LIFR: variants seen among roughly 807,000 people sequenced by gnomAD.
LIFR encodes the protein leukemia inhibitory factor receptor.
LIFR carries 84 observed loss-of-function variants against 122.2 expected under a neutral mutation model. The observed-to-expected ratio is 0.69, with a 90% CI of 0.58 to 0.82. The LOEUF is 0.82. LIFR is among the 40% of genes least tolerant of loss of function. LIFR has a pLI of 0.00. For missense variants in LIFR, 1,294 were observed against 1,311.6 expected (o/e 0.99, Z 0.21); for synonymous variants, 422 against 434.7 (o/e 0.97, Z 0.36).
intron 16 of LIFR, among the ~76,000 whole-genome samples, chr5:38,487,141 G>A (rs943485602): frequency 6.6e-6 from 1 of 152,116 alleles, no homozygotes; most frequent in South Asian, 2.1e-4. Flanking sequence ...CTTCAGGGCT[G>A]AGGCCCTCCT....
At chr5:38,601,313 C>T (rs1213922719) in intron 2 of LIFR, among the ~76,000 whole-genome samples, 1 of 152,194 alleles carries the variant, frequency 6.6e-6, no homozygotes. Flanking sequence ...GCCTTCCCAG[C>T]CTCTAGAACT....
chr5:38,534,630 A>G (rs1230409947), intron 1 of LIFR, among the ~76,000 whole-genome samples: 1 of 152,208 alleles, frequency 6.6e-6, no homozygotes, highest in Non-Finnish European at 1.5e-5. Context: ...ATCACTGAGA[A>G]TATCAAAATA....
At chr5:38,488,701 T>A (rs1744415861) in intron 16 of LIFR, among the ~76,000 whole-genome samples, 2 of 152,234 alleles carry the variant, frequency 1.3e-5, no homozygotes, top group South Asian at 4.1e-4. Context: ...GATCTGAAGC[T>A]AACTCTTTGG....
upstream of LIFR, among the ~76,000 whole-genome samples, chr5:38,561,557 C>A (rs573776971): frequency 6.6e-6 from 1 of 152,240 alleles, no homozygotes; most frequent in Admixed American, 6.5e-5. Flanking sequence ...ATTTTTTCCT[C>A]CCCTCTTAGA....
chr5:38,526,249 C>A (rs77725203), intron 4 of LIFR, among the ~76,000 whole-genome samples: 1 of 152,064 alleles, frequency 6.6e-6, no homozygotes, highest in Non-Finnish European at 1.5e-5. Flanking sequence ...TCTACGTGCT[C>A]CTGCTTCCTT....
At chr5:38,500,529 T>G (rs1019138434) in intron 11 of LIFR, among the ~76,000 whole-genome samples, 4 of 152,160 alleles carry the variant, frequency 2.6e-5, no homozygotes, top group African/African-American at 7.2e-5. Flanking sequence ...TGAAACAAAT[T>G]TGTGTTAAGT....
Position 38,594,878 on chromosome 5 carries a change from A to T in LIFR, c.-20+383T>A, listed in dbSNP as rs991653555. The T allele has an allele frequency of 3.5e-5, 7 of 201,838 alleles. No individual in the cohort carries two copies. The Admixed American group carries it at 3.6e-4, about 10-fold the overall frequency. 12.5% of individuals were successfully genotyped at this position (201,838 alleles called of 1,614,324 possible). On this transcript the variant is annotated intron_variant, in intron 1 of 19. Coordinates refer to the LIFR transcript ENST00000263409. ...GCTTCAGGCATTCATCTTGGTGAGCAGTGTGCAAGCTGGATTTTCCTAACC... is the reference window on the plus strand; with the variant it reads ...GCTTCAGGCATTCATCTTGGTGAGCTGTGTGCAAGCTGGATTTTCCTAACC...
At chr5:38,528,680 T>C in intron 3 of LIFR, 46 bp downstream of exon 3, 1 of 1,139,692 alleles carries the variant, frequency 8.8e-7, no homozygotes, top group East Asian at 2.6e-5. Context: ...GGGTCGTTTC[T>C]GCAATTCAAC....
chr5:38,496,349 G>T, intron 13 of LIFR, 33 bp downstream of exon 13: 1 of 1,496,206 alleles, frequency 6.7e-7, no homozygotes, highest in African/African-American at 1.4e-5. Flanking sequence ...TTAGTTTCCC[G>T]TTCTTATATA....
rs530453686 is a variant in LIFR, at chr5:38,586,207, G to A, written c.-20+9054C>T. On this transcript the variant is annotated intron_variant, in intron 1 of 19. Transcript: ENST00000263409. ...TGAAAAGCCCCCATTTTAAAACATC[G>A]GCTCTGACCCATGACATAGCAACAT... Among the ~76,000 whole-genome samples the A allele has an allele frequency of 9.3e-4, 141 of 151,922 alleles. 1 individual carries two copies. Among genetic ancestry groups the A allele is most frequent in the Middle Eastern group, 6.8e-3 (2 of 294 alleles).
rs888852439 is a variant in LIFR at position 38,485,305 on chromosome 5, C to T, written c.2498-437G>A. Among the ~76,000 whole-genome samples the T allele has an allele frequency of 2.6e-5, 4 of 152,284 alleles. No homozygotes were observed. The East Asian group carries it at 7.7e-4, about 29-fold the overall frequency. ...GAATCACTGCTTTATAGAACCATAT[C>T]CTCATGGCTCTTTATATAAGAGCTG... On this transcript the variant is annotated intron_variant, in intron 17 of 19. Coordinates refer to ENST00000453190, the MANE Select transcript of LIFR (RefSeq NM_001127671.2).
intron 11 of LIFR, among the ~76,000 whole-genome samples, chr5:38,501,820 A>G (rs1745195950): frequency 6.6e-6 from 1 of 151,818 alleles, no homozygotes; most frequent in South Asian, 2.1e-4. Flanking sequence ...ATAGAATATC[A>G]TTCTGTCTTT....
chr5:38,581,436 C>T (rs752666865), intron 1 of LIFR, among the ~76,000 whole-genome samples: 8 of 152,198 alleles, frequency 5.3e-5, no homozygotes, highest in African/African-American at 1.9e-4. Flanking sequence ...ACTCCATGCC[C>T]TTTCATAGTC....
chr5:38,477,228 C>T lies in LIFR; in HGVS notation c.*4367G>A, dbSNP rs1743766649. 3 of 220,244 alleles carry T rather than the reference C, an allele frequency of 1.4e-5. No individual in the cohort carries two copies. Among genetic ancestry groups the T allele is most frequent in the Non-Finnish European group, 2.7e-5 (3 of 110,046 alleles). 13.6% of individuals were successfully genotyped at this position (220,244 alleles called of 1,614,324 possible). Reference sequence around the variant, plus strand: ...TTAAGTATTATTAATAGCCCTGGTACATAATCCATAAAGATAAAAACGAAC... The same window carrying T: ...TTAAGTATTATTAATAGCCCTGGTATATAATCCATAAAGATAAAAACGAAC... On this transcript the variant is annotated 3_prime_UTR_variant, in exon 20 of 20. Coordinates refer to ENST00000453190, the MANE Select transcript of LIFR (RefSeq NM_001127671.2).
At chr5:38,491,514 G>T (rs1324539520) in intron 14 of LIFR, among the ~76,000 whole-genome samples, 1 of 152,176 alleles carries the variant, frequency 6.6e-6, no homozygotes, top group African/African-American at 2.4e-5. Context: ...TGGTGGTCGA[G>T]AAAGAAGATA....
At chr5:38,524,517 C>T (rs1746572756) in intron 4 of LIFR, among the ~76,000 whole-genome samples, 1 of 152,092 alleles carries the variant, frequency 6.6e-6, no homozygotes, top group African/African-American at 2.4e-5. Flanking sequence ...AAAGAAATGA[C>T]TACATCAAAG....
chr5:38,580,222 A>C (rs977699932), intron 1 of LIFR, among the ~76,000 whole-genome samples: 1 of 152,168 alleles, frequency 6.6e-6, no homozygotes, highest in Non-Finnish European at 1.5e-5. Context: ...GGATACTCAT[A>C]AGGTGCAATG....
chr5:38,572,708 A>G (rs1749255661), intron 1 of LIFR, among the ~76,000 whole-genome samples: 1 of 152,202 alleles, frequency 6.6e-6, no homozygotes, highest in Admixed American at 6.5e-5. Flanking sequence ...CTGGATTGAA[A>G]TGAATTTGCC....
At chr5:38,526,076 G>A (rs901566424) in intron 4 of LIFR, among the ~76,000 whole-genome samples, 3 of 152,166 alleles carry the variant, frequency 2.0e-5, no homozygotes, top group Non-Finnish European at 4.4e-5. Context: ...ATAGCATATA[G>A]GGAAGTTTCC....
Sources: gnomAD v4.1 joint callset for allele counts (sites outside exome capture counted in the v4.1 genomes callset) on GRCh38, gnomAD v4.1.1 for gene constraint, MANE v1.5 for transcripts, NCBI Gene and HGNC (gene_info 2026-07-23, HGNC 2026-07-21) for gene names.